The following PRR33 variants were observed in gnomAD, a reference collection of about 807,000 sequenced individuals.
The protein encoded by PRR33 is proline rich 33.
PRR33 carries 1 observed loss-of-function variant against 0.5 expected under a neutral mutation model. The ratio of observed to expected loss-of-function variants is 2.18; its 90% confidence interval spans 0.77 to 10.34. The LOEUF (loss-of-function observed/expected upper bound fraction) is 10.34. Among genes scored for constraint, PRR33 ranks in the 30% most tolerant of loss-of-function variants. PRR33 has a pLI of 0.13. For synonymous variants in PRR33, 226 were observed against 110.0 expected, an observed-to-expected ratio of 2.06 and a Z score of -6.60; for missense variants, 552 against 251.8, an observed-to-expected ratio of 2.19 and a Z score of -8.07.
the PRR33 span, among the ~76,000 whole-genome samples, chr11:1,913,676 G>A: frequency 5.9e-5 from 9 of 152,266 alleles, no homozygotes; most frequent in Non-Finnish European, 2.9e-5. Context: ...GCAGAGGGCA[G>A]ACAGTTGGCT....
At chr11:1,909,786 AAAGAAGAAG>A in the PRR33 span, among the ~76,000 whole-genome samples, 1,411 of 151,950 alleles carry the variant, frequency 9.3e-3, 61 homozygotes, top group East Asian at 0.081. Context: ...TCTGAGAAAA[AAAGAAGAAG>A]AAGAAGAAGA....
chr11:1,905,317 G>A, the PRR33 span, among the ~76,000 whole-genome samples: 1 of 151,106 alleles, frequency 6.6e-6, no homozygotes, highest in East Asian at 1.9e-4. Context: ...AATAGAAACA[G>A]GTTTTCGCCA....
upstream of PRR33, among the ~76,000 whole-genome samples, chr11:1,893,441 C>CTGGATGGA (rs1426647201): frequency 6.9e-5 from 8 of 115,344 alleles, no homozygotes; most frequent in South Asian, 2.5e-4. Context: ...GGCTGGCTGG[C>CTGGATGGA]TGGCTGGCTG....
exon 1 of PRR33, chr11:1,888,926 G>A (rs975017391): frequency 1.9e-5 from 9 of 477,830 alleles, no homozygotes; most frequent in African/African-American, 1.8e-4. Flanking sequence ...TGCAGCCCAG[G>A]GGCTCCAGCT....
At chr11:1,906,976 G>A in the PRR33 span, among the ~76,000 whole-genome samples, 29 of 152,278 alleles carry the variant, frequency 1.9e-4, 1 homozygote, top group Admixed American at 5.2e-4. Context: ...CTCAACTCCC[G>A]CTTCCCGCAC....
Position 1,889,375 on chromosome 11 carries a change from C to T in PRR33, c.1210G>A (p.Val404Met), listed in dbSNP as rs184167500. The T allele has an allele frequency of 3.0e-4, 210 of 707,700 alleles. 1 individual carries two copies. The highest frequency in any genetic ancestry group is 1.9e-4 in the Non-Finnish European group (74 of 380,430). The allele number at this position is 707,700 out of a possible 1,614,324, so 43.8% of individuals were successfully genotyped here. A position where few individuals can be genotyped will look rare whatever the true frequency, so the allele number is the denominator to read the frequency against. ...TCCGCCACTGACATGCGGTACAGCA[C>T]GGCATCCCACATCCTGGAGGTCCGG... is the stretch of plus-strand genomic sequence containing the variant. Residue 404 changes from valine to methionine, a missense_variant, in exon 1 of 1, where the codon GTG becomes ATG. Transcript: ENST00000640310.
the PRR33 span, among the ~76,000 whole-genome samples, chr11:1,905,122 C>CTTT: frequency 1.7e-3 from 165 of 96,562 alleles, 1 homozygote; most frequent in Middle Eastern, 7.9e-3. Flanking sequence ...CTTGAGAATT[C>CTTT]TTTTTTTTTT....
the PRR33 span, among the ~76,000 whole-genome samples, chr11:1,898,653 T>C: frequency 1.3e-5 from 2 of 152,176 alleles, no homozygotes; most frequent in Non-Finnish European, 2.9e-5. Context: ...AGCTGTGATG[T>C]AGAGGAGTGG....
chr11:1,901,686 T>C, the PRR33 span, among the ~76,000 whole-genome samples: 1 of 152,172 alleles, frequency 6.6e-6, no homozygotes, highest in African/African-American at 2.4e-5. Flanking sequence ...TCAGCTTAAA[T>C]ACTGTACCAT....
chr11:1,898,161 G>A, the PRR33 span, among the ~76,000 whole-genome samples: 2 of 152,076 alleles, frequency 1.3e-5, no homozygotes, highest in African/African-American at 2.4e-5. Flanking sequence ...CACACCTTTA[G>A]CAAGAGAATT....
the PRR33 span, among the ~76,000 whole-genome samples, chr11:1,899,480 C>T: frequency 6.6e-6 from 1 of 152,144 alleles, no homozygotes; most frequent in East Asian, 1.9e-4. Flanking sequence ...TATACTTAGG[C>T]ATAATGCATT....
At chr11:1,912,440 A>G in the PRR33 span, among the ~76,000 whole-genome samples, 76 of 152,250 alleles carry the variant, frequency 5.0e-4, no homozygotes, top group African/African-American at 1.6e-3. Context: ...TTAAATTGTC[A>G]TAAAGTTGTT....
chr11:1,895,041 C>G (rs912293609), upstream of PRR33, among the ~76,000 whole-genome samples: 1 of 152,232 alleles, frequency 6.6e-6, no homozygotes, highest in Non-Finnish European at 1.5e-5. Context: ...ACCACTGATA[C>G]ATCTTGCTGG....
At chr11:1,894,154 G>A (rs1400685819), upstream of PRR33, among the ~76,000 whole-genome samples, 1 of 147,444 alleles carries the variant, frequency 6.8e-6, no homozygotes, top group African/African-American at 2.5e-5. Context: ...CAAGTTCTCT[G>A]TTTCCCAGGC....
chr11:1,914,528 C>T, the PRR33 span, among the ~76,000 whole-genome samples: 1 of 144,032 alleles, frequency 6.9e-6, no homozygotes, highest in Non-Finnish European at 1.5e-5. Flanking sequence ...GATGATGTTG[C>T]TCTGTGTATG....
upstream of PRR33, among the ~76,000 whole-genome samples, chr11:1,896,303 T>C (rs537101970): frequency 5.9e-5 from 9 of 152,354 alleles, no homozygotes; most frequent in Middle Eastern, 3.4e-3. Context: ...TCCCTATTTA[T>C]TCAGGTCTTC....
the PRR33 span, among the ~76,000 whole-genome samples, chr11:1,900,049 AC>A: frequency 1.3e-5 from 2 of 150,974 alleles, no homozygotes; most frequent in South Asian, 4.2e-4. Context: ...TATTATATAT[AC>A]ATATATATAT....
At chr11:1,917,086 C>T in the PRR33 span, among the ~76,000 whole-genome samples, 1 of 152,258 alleles carries the variant, frequency 6.6e-6, no homozygotes, top group Non-Finnish European at 1.5e-5. Flanking sequence ...TGTGGGGAGG[C>T]AGCTACCTAG....
At chr11:1,895,954 G>A (rs1183145724), upstream of PRR33, among the ~76,000 whole-genome samples, 1 of 152,132 alleles carries the variant, frequency 6.6e-6, no homozygotes, top group African/African-American at 2.4e-5. Flanking sequence ...GCTGCAGCGA[G>A]CAGAGATTGC....
Sources: allele counts gnomAD v4.1 joint callset (sites outside exome capture counted in the v4.1 genomes callset), GRCh38; gene constraint gnomAD v4.1.1; transcripts MANE v1.5; gene names NCBI Gene and HGNC (gene_info 2026-07-23, HGNC 2026-07-21).